BTBD9: variants seen among roughly 807,000 people sequenced by gnomAD.
The protein encoded by BTBD9 is BTB domain containing 9.
BTBD9 carries 49 observed loss-of-function variants against 64.3 expected under a neutral mutation model. The ratio of observed to expected loss-of-function variants is 0.76; its 90% CI spans 0.61 to 0.97. BTBD9 has a LOEUF of 0.97. BTBD9 is among the 50% of genes least tolerant of loss of function. BTBD9 has a pLI of 0.00. For missense variants in BTBD9, 598 were observed against 762.1 expected (o/e 0.78, Z 2.53); for synonymous variants, 260 against 274.7 (o/e 0.95, Z 0.53).
intron 6 of BTBD9, among the ~76,000 whole-genome samples, chr6:38,511,783 G>A (rs368247789): frequency 1.3e-5 from 2 of 152,058 alleles, no homozygotes; most frequent in Non-Finnish European, 2.9e-5. Flanking sequence ...CACATGGAAA[G>A]GCAAAAGGTA....
At chr6:38,574,283 T>C (rs993666592) in intron 6 of BTBD9, among the ~76,000 whole-genome samples, 1 of 152,196 alleles carries the variant, frequency 6.6e-6, no homozygotes, top group South Asian at 2.1e-4. Flanking sequence ...CTGAATTACA[T>C]TTGACAAGAT....
chr6:38,443,982 T>A (rs1769158368), intron 6 of BTBD9, among the ~76,000 whole-genome samples: 1 of 152,190 alleles, frequency 6.6e-6, no homozygotes. Context: ...GCTGCATCAG[T>A]GTGACCTAAT....
intron 6 of BTBD9, among the ~76,000 whole-genome samples, chr6:38,547,459 T>G (rs1184520027): frequency 1.3e-5 from 2 of 152,032 alleles, no homozygotes; most frequent in Non-Finnish European, 2.9e-5. Flanking sequence ...AATATAAACC[T>G]GCTAAAACAA....
chr6:38,508,141 C>A (rs557054641), intron 6 of BTBD9, among the ~76,000 whole-genome samples: 1 of 151,998 alleles, frequency 6.6e-6, no homozygotes, highest in Non-Finnish European at 1.5e-5. Context: ...CCATGTCTCC[C>A]AAATCTTTAG....
chr6:38,561,751 T>C (rs1318314371), intron 6 of BTBD9, among the ~76,000 whole-genome samples: 1 of 151,896 alleles, frequency 6.6e-6, no homozygotes, highest in Non-Finnish European at 1.5e-5. Context: ...CATATGTAAA[T>C]AAAGATGAGA....
At chr6:38,323,298 A>G (rs1346946353) in intron 7 of BTBD9, among the ~76,000 whole-genome samples, 1 of 152,148 alleles carries the variant, frequency 6.6e-6, no homozygotes, top group Non-Finnish European at 1.5e-5. Context: ...ATTTTGCCAA[A>G]CCTACCCTTT....
At chr6:38,550,373 G>A (rs1216852938) in intron 6 of BTBD9, among the ~76,000 whole-genome samples, 3 of 150,352 alleles carry the variant, frequency 2.0e-5, no homozygotes, top group Non-Finnish European at 4.4e-5. Context: ...CTGGAGTGCA[G>A]TGGTGTGATC....
At chr6:38,297,718 G>A (rs1165897253) in intron 7 of BTBD9, among the ~76,000 whole-genome samples, 1 of 151,900 alleles carries the variant, frequency 6.6e-6, no homozygotes, top group African/African-American at 2.4e-5. Flanking sequence ...TATTTTAACT[G>A]GCAGATTTAC....
chr6:38,338,690 C>T (rs760056821), intron 7 of BTBD9, among the ~76,000 whole-genome samples: 9 of 152,092 alleles, frequency 5.9e-5, no homozygotes, highest in Non-Finnish European at 1.3e-4. Context: ...TTAGGAAGCA[C>T]AACCAGACTT....
At chr6:38,262,990 G>C (rs1764846420) in intron 8 of BTBD9, among the ~76,000 whole-genome samples, 1 of 152,186 alleles carries the variant, frequency 6.6e-6, no homozygotes, top group African/African-American at 2.4e-5. Context: ...TCCACTGGAA[G>C]GCCTGGGACC....
intron 6 of BTBD9, among the ~76,000 whole-genome samples, chr6:38,390,811 A>G (rs1169923517): frequency 6.6e-6 from 1 of 152,032 alleles, no homozygotes; most frequent in Non-Finnish European, 1.5e-5. Flanking sequence ...TTTTTTGCAA[A>G]AATTATATCC....
chr6:38,499,144 CA>C (rs758511920), intron 6 of BTBD9, among the ~76,000 whole-genome samples: 3,685 of 142,174 alleles, frequency 0.026, 55 homozygotes, highest in Middle Eastern at 0.037. Flanking sequence ...AGCAATACAC[CA>C]AAAAAAAAAA....
intron 4 of BTBD9, chr6:38,588,280 GC>G: frequency 8.7e-7 from 1 of 1,144,414 alleles, no homozygotes; most frequent in Non-Finnish European, 1.3e-6. Context: ...CTGCTCAGCT[GC>G]CACACAGTAC....
intron 9 of BTBD9, among the ~76,000 whole-genome samples, chr6:38,245,108 C>A (rs899895462): frequency 6.6e-6 from 1 of 152,144 alleles, no homozygotes; most frequent in Non-Finnish European, 1.5e-5. Flanking sequence ...CATACTGACC[C>A]CTACAAGTGT....
At chr6:38,280,420 G>C (rs939589335) in intron 8 of BTBD9, among the ~76,000 whole-genome samples, 3 of 152,180 alleles carry the variant, frequency 2.0e-5, no homozygotes, top group Non-Finnish European at 4.4e-5. Context: ...CCTTGGTTCC[G>C]GGCTGTGACA....
chr6:38,457,515 T>A (rs1331725129), intron 6 of BTBD9, among the ~76,000 whole-genome samples: 1 of 151,560 alleles, frequency 6.6e-6, no homozygotes, highest in African/African-American at 2.4e-5. Flanking sequence ...CAAGGATGAG[T>A]CCTAAGCTTG....
chr6:38,210,474 G>T (rs1762791291), intron 9 of BTBD9, among the ~76,000 whole-genome samples: 1 of 151,982 alleles, frequency 6.6e-6, no homozygotes, highest in Admixed American at 6.6e-5. Context: ...AAGCAAATTC[G>T]TGTTTCTTCC....
At position 38,173,150 on chromosome 6, in the gene BTBD9, AG is replaced by A. The variant is rs542446220; in HGVS notation, c.*1834del. ...ATCTGGGTAGAAAACACACTGGGGA[AG>A]GAAGTGCTGTGTGTGCAGGAGCTCT... On this transcript the variant is annotated 3_prime_UTR_variant, in exon 11 of 11. Coordinates refer to ENST00000481247, the MANE Select transcript of BTBD9 (RefSeq NM_001099272.2). 125 of 152,440 alleles carry A rather than the reference AG, an allele frequency of 8.2e-4. 1 individual carries two copies. The highest frequency in any genetic ancestry group is 3.0e-3 in the African/African-American group (124 of 41,602). 9.4% of individuals were successfully genotyped at this position (152,440 alleles called of 1,614,324 possible).
intron 6 of BTBD9, among the ~76,000 whole-genome samples, chr6:38,488,792 A>G (rs1160502048): frequency 6.6e-6 from 1 of 152,240 alleles, no homozygotes; most frequent in Non-Finnish European, 1.5e-5. Context: ...TTTCATTAAG[A>G]AAATTATTTT....
Sources: allele counts gnomAD v4.1 joint callset (sites outside exome capture counted in the v4.1 genomes callset), GRCh38; gene constraint gnomAD v4.1.1; transcripts MANE v1.5; gene names NCBI Gene and HGNC (gene_info 2026-07-23, HGNC 2026-07-21).